Variants in CES5A observed in about 807,000 individuals in gnomAD.
The protein encoded by CES5A is carboxylesterase 5.
In CES5A, 67 loss-of-function variants were observed where a neutral mutation model predicts 62.9. The ratio of observed to expected loss-of-function variants is 1.07; its 90% CI spans 0.88 to 1.31. The LOEUF is 1.31. Ranked by LOEUF, CES5A falls within the 50% of genes most tolerant of loss-of-function variation. The pLI is 0.00. For synonymous variants in CES5A, 296 were observed against 280.8 expected, an observed-to-expected ratio of 1.05 and a Z score of -0.54; for missense variants, 748 against 708.5, an observed-to-expected ratio of 1.06 and a Z score of -0.63.
At chr16:55,909,188 T>C (rs1471305022) in intron 1 of CES5A, among the ~76,000 whole-genome samples, 1 of 152,178 alleles carries the variant, frequency 6.6e-6, no homozygotes, top group African/African-American at 2.4e-5. Context: ...CCTCCAGAGC[T>C]GGGAGGACTG....
chr16:55,929,211 G>A (rs1161968632), upstream of CES5A, among the ~76,000 whole-genome samples: 2 of 152,200 alleles, frequency 1.3e-5, no homozygotes, highest in Non-Finnish European at 2.9e-5. Context: ...GTAGCCCCAA[G>A]GCATGGCCGA....
At chr16:55,857,950 T>A (rs1374892060) in intron 8 of CES5A, among the ~76,000 whole-genome samples, 1 of 152,212 alleles carries the variant, frequency 6.6e-6, no homozygotes, top group African/African-American at 2.4e-5. Context: ...ATTCCAGCAC[T>A]TTGGGAGGCC....
chr16:55,942,162 G>C (rs1310153176), intron 2 of CES5A, among the ~76,000 whole-genome samples: 1 of 152,124 alleles, frequency 6.6e-6, no homozygotes, highest in Non-Finnish European at 1.5e-5. Flanking sequence ...TGCATTCTTA[G>C]ATTAGACAAA....
chr16:55,945,435 T>C (rs1309042348), intron 2 of CES5A, among the ~76,000 whole-genome samples: 2 of 152,208 alleles, frequency 1.3e-5, no homozygotes, highest in South Asian at 2.1e-4. Context: ...TAAACAAAGG[T>C]ACCAAGGGAC....
At chr16:55,902,040 C>T (rs1240127699) in intron 1 of CES5A, among the ~76,000 whole-genome samples, 2 of 152,154 alleles carry the variant, frequency 1.3e-5, no homozygotes, top group Admixed American at 6.5e-5. Flanking sequence ...AATCCTTCCT[C>T]TTTGATCTCA....
Position 55,875,149 on chromosome 16 carries a change from C to A in CES5A, c.73G>T (p.Gly25Trp), listed in dbSNP as rs1305345631. 3 of 1,614,088 alleles carry A rather than the reference C, an allele frequency of 1.9e-6. No individual in the cohort carries two copies. The highest frequency in any genetic ancestry group is 1.1e-5 in the South Asian group (1 of 91,064). Reference protein sequence around the residue: ...AIWVLAAPTKGPSAEGPQRNT... With the variant: ...AIWVLAAPTKWPSAEGPQRNT... The stretch of plus-strand genomic sequence containing the variant: ...CCTCCTTTCCCATTGGATATCTCAC[C>A]TTTGGTGGGGGCTGCAAGGACCCAG... Residue 25 changes from glycine (G) to tryptophan (W), a missense_variant and splice_region_variant, in exon 1 of 13, where the codon GGG (glycine) becomes TGG (tryptophan). Gly to Trp is a radical substitution (Grantham distance 184). Coordinates refer to ENST00000290567, the MANE Select transcript of CES5A (RefSeq NM_001143685.2).
At chr16:55,889,768 G>T (rs1027401556) in intron 1 of CES5A, among the ~76,000 whole-genome samples, 2 of 151,942 alleles carry the variant, frequency 1.3e-5, no homozygotes, top group South Asian at 4.1e-4. Context: ...TAATCACATG[G>T]TTGGTTCCCT....
intron 1 of CES5A, among the ~76,000 whole-genome samples, chr16:55,905,458 C>G (rs1322821378): frequency 6.6e-6 from 1 of 152,100 alleles, no homozygotes; most frequent in Non-Finnish European, 1.5e-5. Flanking sequence ...CCTCCGCCCC[C>G]CAAGTTCAAA....
chr16:55,921,259 G>A (rs1207351742), intron 1 of CES5A, among the ~76,000 whole-genome samples: 1 of 151,982 alleles, frequency 6.6e-6, no homozygotes, highest in African/African-American at 2.4e-5. Context: ...GGTATAGGAA[G>A]ATCAGAGAAT....
intron 1 of CES5A, among the ~76,000 whole-genome samples, chr16:55,903,052 C>T (rs1391633958): frequency 8.5e-5 from 13 of 152,142 alleles, no homozygotes; most frequent in Admixed American, 7.2e-4. Flanking sequence ...TTCACCTCTA[C>T]TAGGCATCAG....
intron 1 of CES5A, among the ~76,000 whole-genome samples, chr16:55,909,653 A>G (rs1160260599): frequency 2.0e-5 from 3 of 152,152 alleles, no homozygotes; most frequent in Admixed American, 6.5e-5. Context: ...GCTACCATGA[A>G]TAAGAAAAAG....
chr16:55,946,720 C>T (rs1457090743), intron 2 of CES5A, among the ~76,000 whole-genome samples: 1 of 152,216 alleles, frequency 6.6e-6, no homozygotes, highest in Non-Finnish European at 1.5e-5. Context: ...TCAGTGCTTA[C>T]AGCATTCAGT....
At chr16:55,919,237 C>T (rs569761021) in intron 1 of CES5A, among the ~76,000 whole-genome samples, 1 of 152,336 alleles carries the variant, frequency 6.6e-6, no homozygotes, top group African/African-American at 2.4e-5. Flanking sequence ...TGTGTCAGGC[C>T]CTCAAGGCTT....
upstream of CES5A, chr16:55,875,482 G>A (rs182086323): frequency 1.3e-5 from 10 of 764,188 alleles, no homozygotes; most frequent in Middle Eastern, 3.9e-4. Context: ...TTGGACTTCC[G>A]GGATGGGGGA....
intron 6 of CES5A, 27 bp downstream of exon 6, chr16:55,863,321 G>C (rs11076125): frequency 0.078 from 89,434 of 1,145,738 alleles, 6,569 homozygotes; most frequent in African/African-American, 0.26. Context: ...GGAGAGGAAG[G>C]TGGCAAGGTG....
intron 11 of CES5A, among the ~76,000 whole-genome samples, chr16:55,847,202 TCTCC>T (rs2142378482): frequency 6.6e-6 from 1 of 151,670 alleles, no homozygotes; most frequent in East Asian, 2.0e-4. Flanking sequence ...CTTCCTTCTC[TCTCC>T]CTATCTCTCC....
intron 2 of CES5A, among the ~76,000 whole-genome samples, chr16:55,946,092 C>A (rs1196084697): frequency 6.6e-6 from 1 of 152,170 alleles, no homozygotes; most frequent in Non-Finnish European, 1.5e-5. Context: ...AACATGATTG[C>A]AGTAAAGTCC....
At chr16:55,847,609 T>C (rs1276309545) in intron 11 of CES5A, among the ~76,000 whole-genome samples, 3 of 152,182 alleles carry the variant, frequency 2.0e-5, no homozygotes, top group African/African-American at 7.2e-5. Context: ...GACACCTTTC[T>C]ACACATCTGG....
At chr16:55,903,658 G>A (rs1274244749) in intron 1 of CES5A, among the ~76,000 whole-genome samples, 2 of 152,216 alleles carry the variant, frequency 1.3e-5, no homozygotes, top group East Asian at 1.9e-4. Context: ...AAGACAGTGA[G>A]GGAGAAGCAC....
Sources: allele counts gnomAD v4.1 joint callset (sites outside exome capture counted in the v4.1 genomes callset), GRCh38; gene constraint gnomAD v4.1.1; transcripts MANE v1.5; gene names NCBI Gene and HGNC (gene_info 2026-07-23, HGNC 2026-07-21).